MAGI2: variants seen among roughly 807,000 people sequenced by gnomAD.
MAGI2 encodes membrane-associated guanylate kinase, WW and PDZ domain-containing protein 2.
Under a neutral mutation model 133.3 loss-of-function variants are expected in MAGI2, and 35 were observed. The ratio of observed to expected loss-of-function variants is 0.26; its 90% CI spans 0.20 to 0.35. The LOEUF (loss-of-function observed/expected upper bound fraction) is 0.35. Among genes scored for constraint, MAGI2 ranks in the 10% least tolerant of loss-of-function variants. MAGI2 has a pLI of 1.00. For synonymous variants in MAGI2, 729 were observed against 710.6 expected, an observed-to-expected ratio of 1.03 and a Z score of -0.41; for missense variants, 1,636 against 1,863.4, an observed-to-expected ratio of 0.88 and a Z score of 2.25.
intron 20 of MAGI2, among the ~76,000 whole-genome samples, chr7:78,084,101 C>T (rs1262108517): frequency 6.6e-6 from 1 of 152,184 alleles, no homozygotes; most frequent in African/African-American, 2.4e-5. Flanking sequence ...CCATTGCATC[C>T]TAAGAGCCTA....
chr7:78,738,555 G>A (rs993915862), intron 2 of MAGI2, among the ~76,000 whole-genome samples: 1 of 152,060 alleles, frequency 6.6e-6, no homozygotes, highest in Non-Finnish European at 1.5e-5. Flanking sequence ...CAATAAAACT[G>A]CAGGCTAATA....
At chr7:78,444,218 AG>A (rs1787903441) in intron 6 of MAGI2, among the ~76,000 whole-genome samples, 1 of 152,144 alleles carries the variant, frequency 6.6e-6, no homozygotes, top group East Asian at 1.9e-4. Context: ...CAACTCAGTT[AG>A]TTGGCTATAT....
chr7:78,555,204 A>G (rs867847922), intron 3 of MAGI2, among the ~76,000 whole-genome samples: 2,834 of 100,408 alleles, frequency 0.028, 76 homozygotes, highest in African/African-American at 0.1. Context: ...ATGGATGGAT[A>G]GATAGATAGA....
At chr7:78,034,460 C>A (rs892877767) in intron 21 of MAGI2, among the ~76,000 whole-genome samples, 4 of 152,154 alleles carry the variant, frequency 2.6e-5, no homozygotes, top group African/African-American at 7.2e-5. Flanking sequence ...CCCTTCCCTT[C>A]TACTTTGAAG....
intron 5 of MAGI2, among the ~76,000 whole-genome samples, chr7:78,495,153 T>G (rs1317690757): frequency 1.3e-5 from 2 of 152,188 alleles, no homozygotes. Context: ...GGGGTACATG[T>G]GCAGAACGTG....
chr7:78,297,198 T>C (rs977396684), intron 9 of MAGI2, among the ~76,000 whole-genome samples: 5 of 152,170 alleles, frequency 3.3e-5, no homozygotes, highest in Non-Finnish European at 7.3e-5. Context: ...AGAGCAACTT[T>C]ATGGTAGATA....
chr7:78,142,845 G>A (rs1466146083), intron 16 of MAGI2, among the ~76,000 whole-genome samples: 2 of 152,082 alleles, frequency 1.3e-5, no homozygotes, highest in Non-Finnish European at 1.5e-5. Flanking sequence ...ATTTCCATTT[G>A]TAGATACACC....
chr7:79,063,321 T>A (rs990878473), intron 1 of MAGI2, among the ~76,000 whole-genome samples: 7 of 152,132 alleles, frequency 4.6e-5, no homozygotes, highest in Non-Finnish European at 7.4e-5. Flanking sequence ...AACCTTTTTT[T>A]AAAAAATAAA....
chr7:79,090,569 A>G (rs563224032), intron 1 of MAGI2, among the ~76,000 whole-genome samples: 9 of 152,262 alleles, frequency 5.9e-5, no homozygotes, highest in African/African-American at 1.7e-4. Flanking sequence ...CTGAATTCGT[A>G]GCTCATGCGA....
At chr7:78,114,103 T>C (rs973206539) in intron 20 of MAGI2, among the ~76,000 whole-genome samples, 1 of 152,220 alleles carries the variant, frequency 6.6e-6, no homozygotes, top group African/African-American at 2.4e-5. Context: ...TATTTGAATA[T>C]GTCTGTCAGG....
At chr7:78,619,824 T>G (rs2150935629) in intron 3 of MAGI2, among the ~76,000 whole-genome samples, 1 of 152,092 alleles carries the variant, frequency 6.6e-6, no homozygotes, top group South Asian at 2.1e-4. Flanking sequence ...GGTATAAAAC[T>G]TCACTATGTT....
At position 78,501,306 on chromosome 7, in the gene MAGI2, AATAAC is replaced by A. The variant is rs201768226; in HGVS notation, c.965+266_965+270del. Among the ~76,000 whole-genome samples, 1,333 of 152,190 alleles carry A rather than the reference AATAAC, an allele frequency of 8.8e-3. 26 individuals are homozygous for A. The highest frequency in any genetic ancestry group is 0.031 in the African/African-American group (1,277 of 41,508). ...ATATCTAGACTATTCCTAATTCAAT[AATAAC>A]ATCACATGGAGATTTGTCTTTTTTA... On this transcript the variant is annotated intron_variant, in intron 5 of 21. Coordinates refer to ENST00000354212, the MANE Select transcript of MAGI2 (RefSeq NM_012301.4).
chr7:79,170,950 C>G (rs1240473100), intron 1 of MAGI2, among the ~76,000 whole-genome samples: 1 of 152,010 alleles, frequency 6.6e-6, no homozygotes, highest in Non-Finnish European at 1.5e-5. Context: ...AAACAGTTAC[C>G]TAAGATTCTT....
At chr7:78,618,971 T>C (rs1213609901) in intron 3 of MAGI2, 4 of 123,800 alleles carry the variant, frequency 3.2e-5, no homozygotes, top group Admixed American at 1.0e-4. Flanking sequence ...GCATGGTGAC[T>C]ATAGTCATCA....
At chr7:78,154,463 C>T (rs1054911530) in intron 16 of MAGI2, among the ~76,000 whole-genome samples, 1 of 152,326 alleles carries the variant, frequency 6.6e-6, no homozygotes. Flanking sequence ...TAGAGGAACA[C>T]CAATGAAGAA....
At chr7:78,770,817 T>G (rs1433411676) in intron 2 of MAGI2, 1 of 152,252 alleles carries the variant, frequency 6.6e-6, no homozygotes, top group Non-Finnish European at 1.5e-5. Context: ...TACAGATATT[T>G]AAGCCAGACC....
At chr7:78,642,671 A>G (rs1016159790) in intron 2 of MAGI2, among the ~76,000 whole-genome samples, 1 of 152,236 alleles carries the variant, frequency 6.6e-6, no homozygotes, top group African/African-American at 2.4e-5. Flanking sequence ...TATAATATTC[A>G]CAAGCACTAA....
intron 3 of MAGI2, among the ~76,000 whole-genome samples, chr7:78,611,638 G>A (rs1219847536): frequency 6.6e-6 from 1 of 152,122 alleles, no homozygotes; most frequent in East Asian, 1.9e-4. Context: ...TGTACACAGT[G>A]GTATGGCTTA....
chr7:78,923,180 A>G (rs892514490), intron 2 of MAGI2, among the ~76,000 whole-genome samples: 8 of 152,152 alleles, frequency 5.3e-5, no homozygotes, highest in Non-Finnish European at 8.8e-5. Context: ...TTTGCTGTGC[A>G]GAAGCTCTTT....
Sources: gnomAD v4.1 joint callset for allele counts (sites outside exome capture counted in the v4.1 genomes callset) on GRCh38, gnomAD v4.1.1 for gene constraint, MANE v1.5 for transcripts, NCBI Gene and HGNC (gene_info 2026-07-23, HGNC 2026-07-21) for gene names.